The following RAD51B variants were observed in gnomAD, a reference collection of about 807,000 sequenced individuals.
RAD51B encodes the protein DNA repair protein RAD51 homolog 2.
In RAD51B, 38 loss-of-function variants were observed where a neutral mutation model predicts 42.2. That is an observed-to-expected ratio of 0.90 (90% confidence interval 0.70 to 1.18). RAD51B has a LOEUF of 1.18. Ranked by LOEUF, RAD51B falls within the 50% of genes most tolerant of loss-of-function variation. The pLI is 0.00. For missense variants in RAD51B, 373 were observed against 400.7 expected (o/e 0.93, Z 0.59); for synonymous variants, 154 against 145.2 (o/e 1.06, Z -0.43).
chr14:67,916,292 T>C (rs1307836572), intron 7 of RAD51B, among the ~76,000 whole-genome samples: 1 of 146,748 alleles, frequency 6.8e-6, no homozygotes, highest in South Asian at 2.1e-4. Context: ...TTCATTTTTG[T>C]TTTTTTTTGA....
At chr14:68,099,809 G>T (rs1034455990) in intron 7 of RAD51B, among the ~76,000 whole-genome samples, 4 of 152,138 alleles carry the variant, frequency 2.6e-5, no homozygotes, top group Non-Finnish European at 5.9e-5. Context: ...AATTGTGTGG[G>T]GCTGTGCCAA....
rs190183173 is a variant in RAD51B at position 68,231,883 on chromosome 14, A to G, written c.757-60001A>G. Among the ~76,000 whole-genome samples the G allele has an allele frequency of 3.1e-4, 47 of 152,340 alleles. 1 individual carries two copies. Among genetic ancestry groups the G allele is most frequent in the African/African-American group, 1.1e-3 (46 of 41,582 alleles). On this transcript the variant is annotated intron_variant, in intron 7 of 10. Coordinates refer to ENST00000471583, the MANE Select transcript of RAD51B (RefSeq NM_133510.4). ...CATCAGGCATGAGAATATCTTGCTG[A>G]ACTTATTATTGATAGTAGACACAGG...
intron 10 of RAD51B, among the ~76,000 whole-genome samples, chr14:68,524,562 G>A (rs532950413): frequency 2.6e-5 from 4 of 152,210 alleles, no homozygotes; most frequent in Middle Eastern, 3.4e-3. Flanking sequence ...TAACAGATCC[G>A]AGATGCATGA....
At chr14:68,531,905 C>T (rs889027015) in intron 10 of RAD51B, among the ~76,000 whole-genome samples, 7 of 152,088 alleles carry the variant, frequency 4.6e-5, no homozygotes, top group Non-Finnish European at 8.8e-5. Context: ...ATTGCTTGAG[C>T]CTGGGAGGTT....
intron 7 of RAD51B, 23 bp from the exon 8 acceptor site, chr14:68,291,861 C>G (rs762471509): frequency 6.4e-7 from 1 of 1,573,212 alleles, no homozygotes; most frequent in South Asian, 1.1e-5. Context: ...TGCCCCCTAC[C>G]CCTTCTCCCT....
At chr14:68,074,879 C>T (rs1454053975) in intron 7 of RAD51B, among the ~76,000 whole-genome samples, 2 of 152,230 alleles carry the variant, frequency 1.3e-5, no homozygotes, top group Non-Finnish European at 2.9e-5. Context: ...GGTTCTTGCT[C>T]AGCCATGTGG....
At chr14:68,111,694 T>C (rs1413628901) in intron 7 of RAD51B, among the ~76,000 whole-genome samples, 2 of 152,054 alleles carry the variant, frequency 1.3e-5, no homozygotes, top group Non-Finnish European at 2.9e-5. Flanking sequence ...TCTCTGTTCC[T>C]GCCAAAATAC....
chr14:68,294,143 AAAG>A, intron 8 of RAD51B, among the ~76,000 whole-genome samples: 1 of 152,360 alleles, frequency 6.6e-6, no homozygotes, highest in South Asian at 2.1e-4. Context: ...TATCTTAAGC[AAAG>A]AAGAAGAGCA....
chr14:68,217,201 G>T (rs760821271), intron 7 of RAD51B, among the ~76,000 whole-genome samples: 1 of 152,176 alleles, frequency 6.6e-6, no homozygotes, highest in East Asian at 1.9e-4. Flanking sequence ...CCTATGACAA[G>T]GCCTGGAGGT....
chr14:67,918,630 G>A (rs1008396547), intron 7 of RAD51B, among the ~76,000 whole-genome samples: 4 of 152,080 alleles, frequency 2.6e-5, no homozygotes, highest in Admixed American at 6.6e-5. Flanking sequence ...CATTAATGAG[G>A]GGGAAAAAGA....
At chr14:67,946,157 A>G (rs1180294216) in intron 7 of RAD51B, among the ~76,000 whole-genome samples, 3 of 152,206 alleles carry the variant, frequency 2.0e-5, no homozygotes, top group Non-Finnish European at 4.4e-5. Context: ...CTGTTTTGAA[A>G]TGAGGGATAC....
In RAD51B at chr14:68,293,440, A is replaced by G. The variant is rs192645945; in HGVS notation, c.853+1460A>G. ...CTCCCTTTGCGTAGACTGGTTTTCA[A>G]AACACCACTAGATAAAGTGAATGAT... On this transcript the variant is annotated intron_variant, in intron 8 of 10. Coordinates refer to ENST00000471583, the MANE Select transcript of RAD51B (RefSeq NM_133510.4). 1.8e-3 allele frequency among the ~76,000 whole-genome samples: 279 copies of G among 152,214 alleles called. 2 individuals are homozygous for G. Among genetic ancestry groups the G allele is most frequent in the Middle Eastern group, 0.01 (3 of 294 alleles).
At chr14:68,413,141 A>T (rs1004255630) in intron 9 of RAD51B, among the ~76,000 whole-genome samples, 1 of 152,256 alleles carries the variant, frequency 6.6e-6, no homozygotes, top group African/African-American at 2.4e-5. Flanking sequence ...ATAAGTGAAT[A>T]AAGAAATTAG....
At chr14:68,067,819 C>CT (rs2076678438) in intron 7 of RAD51B, among the ~76,000 whole-genome samples, 2 of 150,352 alleles carry the variant, frequency 1.3e-5, no homozygotes. Flanking sequence ...ACAGTCCTAG[C>CT]TACTAGGGAG....
chr14:68,676,594 T>A (rs539181874), intron 11 of RAD51B, among the ~76,000 whole-genome samples: 47 of 152,206 alleles, frequency 3.1e-4, no homozygotes, highest in Non-Finnish European at 5.3e-4. Context: ...GGAATTTGCA[T>A]CTGCACTGCA....
At chr14:67,910,119 C>G (rs1424755185) in intron 7 of RAD51B, among the ~76,000 whole-genome samples, 1 of 151,966 alleles carries the variant, frequency 6.6e-6, no homozygotes, top group Non-Finnish European at 1.5e-5. Context: ...ACATTTTAGC[C>G]TTTGGCCCAT....
chr14:68,468,815 T>A (rs909934058), intron 10 of RAD51B, among the ~76,000 whole-genome samples: 3 of 152,212 alleles, frequency 2.0e-5, no homozygotes, highest in Non-Finnish European at 2.9e-5. Context: ...AGCCCAGGAC[T>A]TAGAAGGAGC....
chr14:68,102,110 C>G (rs1189551666), intron 7 of RAD51B, among the ~76,000 whole-genome samples: 1 of 152,208 alleles, frequency 6.6e-6, no homozygotes, highest in Non-Finnish European at 1.5e-5. Context: ...AGCTGGGACA[C>G]AGGGCACCAT....
chr14:68,497,463 G>T (rs1214226596), intron 10 of RAD51B: 7 of 1,067,940 alleles, frequency 6.6e-6, no homozygotes, highest in Non-Finnish European at 7.9e-6. Flanking sequence ...CAAGGGTTGG[G>T]TTGTGTTCGT....
Sources: gnomAD v4.1 joint callset for allele counts (sites outside exome capture counted in the v4.1 genomes callset) on GRCh38, gnomAD v4.1.1 for gene constraint, MANE v1.5 for transcripts, NCBI Gene and HGNC (gene_info 2026-07-23, HGNC 2026-07-21) for gene names.